Variants in LYPLAL1 observed in about 807,000 individuals in gnomAD.
The protein encoded by LYPLAL1 is lysophospholipase like 1.
A neutral mutation model predicts 19.7 loss-of-function variants in LYPLAL1; 23 were observed. That is an observed-to-expected ratio of 1.17 (90% confidence interval 0.84 to 1.65). The LOEUF (loss-of-function observed/expected upper bound fraction) is 1.65. LYPLAL1 is among the 40% of genes most tolerant of loss of function. The probability of loss-of-function intolerance (pLI) is 0.00; values close to 1 mark genes in which losing one functional copy is unlikely to be tolerated. For synonymous variants in LYPLAL1, 119 were observed against 96.3 expected (o/e 1.24, Z -1.38); for missense variants, 355 against 279.4 (o/e 1.27, Z -1.93).
At chr1:219,303,548 A>G in the LYPLAL1 span, among the ~76,000 whole-genome samples, 1 of 152,248 alleles carries the variant, frequency 6.6e-6, no homozygotes, top group African/African-American at 2.4e-5. Context: ...GAGCTCATCT[A>G]CTATGTGCAG....
At chr1:219,442,065 A>C in the LYPLAL1 span, among the ~76,000 whole-genome samples, 4 of 152,164 alleles carry the variant, frequency 2.6e-5, no homozygotes, top group African/African-American at 9.7e-5. Flanking sequence ...TCATCTGGCA[A>C]ATGATTAAAC....
intron 2 of LYPLAL1, 73 bp downstream of exon 2, chr1:219,179,319 A>G: frequency 9.3e-7 from 1 of 1,070,910 alleles, no homozygotes; most frequent in Non-Finnish European, 1.4e-6. Context: ...TGTGCCAGCT[A>G]GGTGTTCTTT....
the LYPLAL1 span, among the ~76,000 whole-genome samples, chr1:219,301,836 T>C: frequency 6.6e-6 from 1 of 152,212 alleles, no homozygotes; most frequent in Non-Finnish European, 1.5e-5. Context: ...TAAATGCCTC[T>C]CTTTTTTATC....
intron 3 of LYPLAL1, 134 bp downstream of exon 3, chr1:219,193,385 A>G (rs1657357383): frequency 1.9e-6 from 1 of 528,694 alleles, no homozygotes; most frequent in African/African-American, 1.9e-5. Flanking sequence ...TAAACTTTAC[A>G]TATTGAGGAT....
chr1:219,432,275 A>G, the LYPLAL1 span, among the ~76,000 whole-genome samples: 2 of 152,306 alleles, frequency 1.3e-5, no homozygotes, highest in Admixed American at 1.3e-4. Context: ...GCCACTTCCA[A>G]TGAACATCTT....
the LYPLAL1 span, among the ~76,000 whole-genome samples, chr1:219,237,543 G>C: frequency 6.6e-6 from 1 of 152,146 alleles, no homozygotes; most frequent in African/African-American, 2.4e-5. Context: ...TGGTGACTCC[G>C]TTTTGTATAG....
At position 219,179,224 on chromosome 1, in the gene LYPLAL1, A is replaced by C; in HGVS notation, c.169A>C (p.Ile57Leu). ...TTTAACATTCCAACACATAAAAATT[A>C]TTTATCCAACAGCTCCTCCCAGGTA... Reference protein sequence around the residue: ...QDLTFQHIKIIYPTAPPRSYT... With the variant: ...QDLTFQHIKILYPTAPPRSYT... Residue 57 changes from isoleucine to leucine, a missense_variant, in exon 2 of 5, where the codon ATT (isoleucine) becomes CTT (leucine). Transcript: ENST00000366928. 9 of 1,611,566 alleles carry C rather than the reference A, an allele frequency of 5.6e-6. No individual in the cohort carries two copies. Among genetic ancestry groups the C allele is most frequent in the Non-Finnish European group, 7.6e-6 (9 of 1,178,384 alleles).
At chr1:219,326,317 T>TG in the LYPLAL1 span, among the ~76,000 whole-genome samples, 4 of 65,680 alleles carry the variant, frequency 6.1e-5, no homozygotes, top group Non-Finnish European at 9.0e-5. Flanking sequence ...GGTTGGGGGG[T>TG]GGGGGGGCAT....
At chr1:219,340,227 T>C in the LYPLAL1 span, among the ~76,000 whole-genome samples, 4 of 152,090 alleles carry the variant, frequency 2.6e-5, no homozygotes, top group Admixed American at 6.6e-5. Context: ...GTTATAATGT[T>C]CAGTTTAGTT....
At chr1:219,400,635 C>G in the LYPLAL1 span, among the ~76,000 whole-genome samples, 1 of 152,036 alleles carries the variant, frequency 6.6e-6, no homozygotes, top group Admixed American at 6.6e-5. Flanking sequence ...GCTGGGATTA[C>G]AGGTGGTCAC....
the LYPLAL1 span, among the ~76,000 whole-genome samples, chr1:219,355,020 T>C: frequency 6.6e-6 from 1 of 152,222 alleles, no homozygotes; most frequent in African/African-American, 2.4e-5. Context: ...AGGTTCTTAA[T>C]TGAAGATGAT....
At chr1:219,274,679 C>T in the LYPLAL1 span, among the ~76,000 whole-genome samples, 23 of 152,242 alleles carry the variant, frequency 1.5e-4, no homozygotes, top group African/African-American at 3.6e-4. Context: ...CCACCGCCCC[C>T]GGCCAGTTTT....
At chr1:219,239,926 G>A in the LYPLAL1 span, among the ~76,000 whole-genome samples, 1 of 152,148 alleles carries the variant, frequency 6.6e-6, no homozygotes, top group Non-Finnish European at 1.5e-5. Flanking sequence ...AAGATTCAGT[G>A]AGATGCAATG....
the LYPLAL1 span, among the ~76,000 whole-genome samples, chr1:219,331,106 C>T: frequency 2.6e-5 from 4 of 152,016 alleles, no homozygotes; most frequent in Admixed American, 6.6e-5. Context: ...GCCAGTATAC[C>T]GTAAAGCTGG....
At chr1:219,269,451 A>G in the LYPLAL1 span, among the ~76,000 whole-genome samples, 1 of 152,232 alleles carries the variant, frequency 6.6e-6, no homozygotes, top group Non-Finnish European at 1.5e-5. Context: ...AATGTACAAC[A>G]TAGCAGAATA....
the LYPLAL1 span, among the ~76,000 whole-genome samples, chr1:219,392,222 C>T: frequency 6.6e-6 from 1 of 152,064 alleles, no homozygotes; most frequent in African/African-American, 2.4e-5. Context: ...TTTGGGGATA[C>T]CAAGAGTCAC....
At chr1:219,434,254 G>T in the LYPLAL1 span, among the ~76,000 whole-genome samples, 9 of 152,184 alleles carry the variant, frequency 5.9e-5, no homozygotes, top group African/African-American at 2.2e-4. Flanking sequence ...GAAATAAATG[G>T]TTTGTGTGAA....
At chr1:219,219,340 G>A in the LYPLAL1 span, among the ~76,000 whole-genome samples, 4 of 152,274 alleles carry the variant, frequency 2.6e-5, no homozygotes, top group African/African-American at 9.6e-5. Flanking sequence ...GCAGTCACCT[G>A]AAGTCTACAA....
rs1372958661 is a variant in LYPLAL1 at position 219,190,056 on chromosome 1, T to G, written c.192-3026T>G. 2.0e-5 allele frequency among the ~76,000 whole-genome samples: 3 copies of G among 151,578 alleles called. No homozygotes were observed. In the East Asian group the frequency reaches 5.8e-4, roughly 29 times the overall value. On this transcript the variant is annotated intron_variant, in intron 2 of 4. Transcript: ENST00000366928. ...AACTTAATAGATACTAAATAGAAAC[T>G]AACTTAATAGATAAAGAGATTAGTG...
Sources: allele counts gnomAD v4.1 joint callset (sites outside exome capture counted in the v4.1 genomes callset), GRCh38; gene constraint gnomAD v4.1.1; transcripts MANE v1.5; gene names NCBI Gene and HGNC (gene_info 2026-07-23, HGNC 2026-07-21).